The following DGKB variants were observed in gnomAD, a reference collection of about 807,000 sequenced individuals.
DGKB encodes the protein 90 kDa diacylglycerol kinase.
Under a neutral mutation model 114.3 loss-of-function variants are expected in DGKB, and 67 were observed. That is an observed-to-expected ratio of 0.59 (90% CI 0.48 to 0.72). The LOEUF (loss-of-function observed/expected upper bound fraction) is 0.72. Ranked by LOEUF, DGKB falls within the 30% of genes least tolerant of loss-of-function variation. The pLI is 0.00. For synonymous variants in DGKB, 398 were observed against 323.1 expected, an observed-to-expected ratio of 1.23 and a Z score of -2.49; for missense variants, 907 against 975.2, an observed-to-expected ratio of 0.93 and a Z score of 0.93.
At chr7:14,966,949 A>T (rs1787190708) in intron 1 of DGKB, among the ~76,000 whole-genome samples, 1 of 152,180 alleles carries the variant, frequency 6.6e-6, no homozygotes, top group Non-Finnish European at 1.5e-5. Flanking sequence ...CATCTTAAGG[A>T]AATATTATGC....
At chr7:14,578,277 C>T (rs1249169660) in intron 19 of DGKB, among the ~76,000 whole-genome samples, 1 of 152,164 alleles carries the variant, frequency 6.6e-6, no homozygotes, top group Non-Finnish European at 1.5e-5. Context: ...TTATAAATTA[C>T]CGAGTCTTGG....
intron 23 of DGKB, among the ~76,000 whole-genome samples, chr7:14,234,284 TACA>T (rs1253588839): frequency 6.6e-6 from 1 of 151,958 alleles, no homozygotes; most frequent in Non-Finnish European, 1.5e-5. Flanking sequence ...AGATAGTAAC[TACA>T]GATTTAAAAG....
intron 1 of DGKB, among the ~76,000 whole-genome samples, chr7:14,919,133 A>G (rs958973491): frequency 7.1e-5 from 10 of 140,522 alleles, no homozygotes; most frequent in Non-Finnish European, 1.2e-4. Flanking sequence ...CAAAGTTTAT[A>G]TGGAAAGACA....
intron 1 of DGKB, among the ~76,000 whole-genome samples, chr7:14,937,096 T>C (rs556333759): frequency 6.6e-6 from 1 of 151,764 alleles, no homozygotes; most frequent in Admixed American, 6.6e-5. Flanking sequence ...ATTTATAATT[T>C]TGCTACATTT....
intron 21 of DGKB, among the ~76,000 whole-genome samples, chr7:14,404,917 A>G (rs764849832): frequency 1.3e-5 from 2 of 151,786 alleles, no homozygotes; most frequent in African/African-American, 4.8e-5. Context: ...CAAGCTTCAG[A>G]CCAGTGCTGT....
At chr7:14,901,331 C>G (rs970367676) in intron 1 of DGKB, among the ~76,000 whole-genome samples, 1 of 152,096 alleles carries the variant, frequency 6.6e-6, no homozygotes. Context: ...TAAGAGTAGT[C>G]CTTGGTTACC....
chr7:14,325,011 AAG>A (rs1292784398), intron 23 of DGKB, among the ~76,000 whole-genome samples: 1 of 152,198 alleles, frequency 6.6e-6, no homozygotes, highest in East Asian at 1.9e-4. Flanking sequence ...TCTGTTTGAA[AAG>A]AGTTTTGCAG....
At chr7:14,788,178 G>T (rs1840160866) in intron 2 of DGKB, among the ~76,000 whole-genome samples, 1 of 152,190 alleles carries the variant, frequency 6.6e-6, no homozygotes, top group East Asian at 1.9e-4. Context: ...AATGCCCATG[G>T]CATTGCCCTG....
chr7:14,883,353 C>T (rs1215132723), intron 1 of DGKB, among the ~76,000 whole-genome samples: 2 of 151,940 alleles, frequency 1.3e-5, no homozygotes, highest in African/African-American at 4.8e-5. Context: ...TTTTGCTCCC[C>T]TTTGGGATGG....
At chr7:14,293,929 C>G (rs1169669601) in intron 23 of DGKB, among the ~76,000 whole-genome samples, 1 of 152,132 alleles carries the variant, frequency 6.6e-6, no homozygotes, top group Admixed American at 6.5e-5. Flanking sequence ...AAATAAATTG[C>G]TACTAATTTA....
rs571513120 is a variant in DGKB at position 14,814,511 on chromosome 7, A to C, written c.70+26683T>G. Among the ~76,000 whole-genome samples, 18 of 152,314 alleles carry C rather than the reference A, an allele frequency of 1.2e-4. No individual in the cohort carries two copies. The South Asian group carries it at 3.7e-3, about 32-fold the overall frequency. ...GTGGCTGAAAACATTCTCTACAATA[A>C]GAATTTTTTAAATTAATTTTTTATT... On this transcript the variant is annotated intron_variant, in intron 2 of 25. Transcript: ENST00000402815.
At chr7:14,898,931 C>A (rs1315283614) in intron 1 of DGKB, among the ~76,000 whole-genome samples, 3 of 152,100 alleles carry the variant, frequency 2.0e-5, no homozygotes, top group African/African-American at 4.8e-5. Context: ...TACAAATTCC[C>A]TGTTAAAAGG....
chr7:14,630,704 G>A (rs1010092436), intron 13 of DGKB, among the ~76,000 whole-genome samples: 1 of 151,898 alleles, frequency 6.6e-6, no homozygotes, highest in African/African-American at 2.4e-5. Context: ...TGTTCATTTT[G>A]TTTTGTGATA....
In DGKB at chr7:14,973,560, T is replaced by C. The variant is rs189621312; in HGVS notation, c.-188+1136A>G. The stretch of plus-strand genomic sequence containing the variant: ...TTTCTTTTTTTTTTCTTTTTTGTTT[T>C]TGTGTTAGTTAATACACTCAGAACA... On this transcript the variant is annotated intron_variant, in intron 1 of 4. Coordinates refer to the DGKB transcript ENST00000437998. Among the ~76,000 whole-genome samples the C allele has an allele frequency of 7.0e-3, 1,041 of 149,604 alleles. 14 individuals are homozygous for C. Among genetic ancestry groups the C allele is most frequent in the African/African-American group, 0.024 (999 of 41,174 alleles).
At chr7:14,824,836 T>A (rs1214550714) in intron 2 of DGKB, among the ~76,000 whole-genome samples, 1 of 151,530 alleles carries the variant, frequency 6.6e-6, no homozygotes, top group Non-Finnish European at 1.5e-5. Context: ...CAATGTTACA[T>A]AATTTTAGAT....
intron 1 of DGKB, among the ~76,000 whole-genome samples, chr7:14,929,602 C>A (rs1342846088): frequency 1.3e-5 from 2 of 151,924 alleles, no homozygotes; most frequent in African/African-American, 4.8e-5. Context: ...TATTTGAGTT[C>A]TTTGTATATT....
At chr7:14,581,833 C>T (rs1002952223) in intron 18 of DGKB, among the ~76,000 whole-genome samples, 1 of 152,106 alleles carries the variant, frequency 6.6e-6, no homozygotes, top group Non-Finnish European at 1.5e-5. Context: ...CCTTACAAGT[C>T]CTCAGATACT....
At chr7:14,744,857 T>G (rs2128419257) in intron 4 of DGKB, among the ~76,000 whole-genome samples, 1 of 152,340 alleles carries the variant, frequency 6.6e-6, no homozygotes, top group Non-Finnish European at 1.5e-5. Flanking sequence ...GCCTACATTT[T>G]ACATTAACCC....
chr7:14,196,539 G>T (rs10486050), intron 23 of DGKB, among the ~76,000 whole-genome samples: 8,104 of 151,924 alleles, frequency 0.053, 340 homozygotes, highest in East Asian at 0.26. Flanking sequence ...TACTGTCTTG[G>T]ATTACTAAAT....
Sources: gnomAD v4.1 joint callset for allele counts (sites outside exome capture counted in the v4.1 genomes callset) on GRCh38, gnomAD v4.1.1 for gene constraint, MANE v1.5 for transcripts, NCBI Gene and HGNC (gene_info 2026-07-23, HGNC 2026-07-21) for gene names.